The following KANSL1L variants were observed in gnomAD, a reference collection of about 807,000 sequenced individuals.
KANSL1L encodes KAT8 regulatory NSL complex subunit 1-like protein.
KANSL1L carries 25 observed loss-of-function variants against 108.6 expected under a neutral mutation model. That is an observed-to-expected ratio of 0.23 (90% CI 0.17 to 0.32). KANSL1L has a LOEUF of 0.32. KANSL1L is among the 10% of genes least tolerant of loss of function. KANSL1L has a pLI of 1.00. For missense variants in KANSL1L, 1,137 were observed against 1,125.7 expected, an observed-to-expected ratio of 1.01 and a Z score of -0.14; for synonymous variants, 405 against 395.1, an observed-to-expected ratio of 1.03 and a Z score of -0.30.
At chr2:210,079,312 T>C (rs2094564349) in intron 5 of KANSL1L, among the ~76,000 whole-genome samples, 1 of 151,864 alleles carries the variant, frequency 6.6e-6, no homozygotes, top group South Asian at 2.1e-4. Flanking sequence ...AATATAATTA[T>C]CGGCTGGGCG....
At chr2:210,170,044 T>C (rs1688241521) in intron 1 of KANSL1L, among the ~76,000 whole-genome samples, 1 of 152,184 alleles carries the variant, frequency 6.6e-6, no homozygotes, top group South Asian at 2.1e-4. Context: ...TGGCTAGTTA[T>C]TAAGAACGGG....
chr2:210,135,465 C>T (rs771329735), intron 2 of KANSL1L, among the ~76,000 whole-genome samples: 3 of 152,096 alleles, frequency 2.0e-5, no homozygotes, highest in African/African-American at 7.2e-5. Context: ...GACCTTATTT[C>T]CCAGCCTTAC....
At chr2:210,033,283 T>C (rs567481686) in intron 8 of KANSL1L, among the ~76,000 whole-genome samples, 1 of 152,316 alleles carries the variant, frequency 6.6e-6, no homozygotes, top group East Asian at 1.9e-4. Context: ...AAGTTATTAA[T>C]ACAAGAAAAC....
At chr2:210,131,871 A>AT (rs2095124071) in intron 2 of KANSL1L, among the ~76,000 whole-genome samples, 1 of 151,804 alleles carries the variant, frequency 6.6e-6, no homozygotes, top group South Asian at 2.1e-4. Context: ...AGTTAATTGT[A>AT]TTTTTAGTAG....
In KANSL1L at chr2:210,066,296, G is replaced by A. The variant is rs1418312299; in HGVS notation, c.1755+9256C>T. Among the ~76,000 whole-genome samples the A allele has an allele frequency of 3.3e-5, 5 of 152,182 alleles. No homozygotes were observed. The South Asian group carries it at 1.0e-3, about 32-fold the overall frequency. On this transcript the variant is annotated intron_variant, in intron 6 of 14. Coordinates refer to ENST00000281772, the MANE Select transcript of KANSL1L (RefSeq NM_152519.4). ...TCACAATCTTACTACAACTGTAGGA[G>A]AGACCTTAGGCAAGGCTGAAGAATA... is the stretch of plus-strand genomic sequence containing the variant.
intron 4 of KANSL1L, among the ~76,000 whole-genome samples, chr2:210,101,141 A>C (rs1257114666): frequency 6.6e-6 from 1 of 152,156 alleles, no homozygotes; most frequent in Non-Finnish European, 1.5e-5. Context: ...TCCCTATACT[A>C]TCAAAGGCCC....
chr2:210,140,820 T>G (rs1251115618), intron 2 of KANSL1L, among the ~76,000 whole-genome samples: 1 of 152,106 alleles, frequency 6.6e-6, no homozygotes, highest in Non-Finnish European at 1.5e-5. Flanking sequence ...CATTTTTTCA[T>G]TCATGTTTAG....
chr2:210,062,322 C>T (rs972031649), intron 6 of KANSL1L, among the ~76,000 whole-genome samples: 1 of 152,160 alleles, frequency 6.6e-6, no homozygotes, highest in Non-Finnish European at 1.5e-5. Context: ...CACGTGGAAC[C>T]GTAGTCTATT....
intron 2 of KANSL1L, among the ~76,000 whole-genome samples, chr2:210,142,681 T>A (rs1208713285): frequency 6.6e-6 from 1 of 152,180 alleles, no homozygotes; most frequent in Non-Finnish European, 1.5e-5. Flanking sequence ...TTCATTTCTC[T>A]CAAGATATTT....
At chr2:210,149,128 A>G (rs1038462068) in intron 2 of KANSL1L, among the ~76,000 whole-genome samples, 1 of 152,162 alleles carries the variant, frequency 6.6e-6, no homozygotes, top group Non-Finnish European at 1.5e-5. Flanking sequence ...AAAAACATCA[A>G]GTAAACACAA....
intron 6 of KANSL1L, among the ~76,000 whole-genome samples, chr2:210,067,518 C>T (rs141732493): frequency 1.8e-4 from 27 of 151,888 alleles, no homozygotes; most frequent in Middle Eastern, 3.4e-3. Flanking sequence ...GGCAATATGA[C>T]GAAACCCCAT....
chr2:210,068,228 TACC>T (rs1454261735), intron 6 of KANSL1L, among the ~76,000 whole-genome samples: 9 of 152,226 alleles, frequency 5.9e-5, no homozygotes, highest in African/African-American at 1.9e-4. Context: ...TAACAAAAGT[TACC>T]ACTTTACTAT....
rs199781810 is a variant in KANSL1L, at chr2:210,075,689, T to C, written c.1618A>G (p.Lys540Glu). 1.4e-5 allele frequency: 23 copies of C among 1,613,932 alleles called. No individual in the cohort carries two copies. The highest frequency in any genetic ancestry group is 1.7e-5 in the Admixed American group (1 of 59,978). Residue 540 changes from lysine to glutamate, a missense_variant, in exon 6 of 15, where the codon AAA becomes GAA. By Grantham distance (56) the Lys-to-Glu change is moderately conservative. This residue lies in a region of KANSL1L where 575 missense variants were observed against 567.1 expected (regional missense o/e 1.01). Coordinates refer to ENST00000281772, the MANE Select transcript of KANSL1L (RefSeq NM_152519.4). ...AGTCTTGTCCTGTCTTTTCTCTTTT[T>C]CTTACTGTGCTTCTGGTTAAGTAAC... ...SWLLNQKHSK[K>E]KRKDRTRLKS...
chr2:210,119,706 T>C (rs1008095289), intron 3 of KANSL1L, among the ~76,000 whole-genome samples: 1 of 152,140 alleles, frequency 6.6e-6, no homozygotes, highest in East Asian at 1.9e-4. Context: ...AAAAGCCATA[T>C]ATGATAGACC....
intron 2 of KANSL1L, among the ~76,000 whole-genome samples, chr2:210,130,193 G>T (rs886436949): frequency 6.6e-6 from 1 of 152,120 alleles, no homozygotes; most frequent in African/African-American, 2.4e-5. Flanking sequence ...TTCATCAATT[G>T]TAACAAATAC....
At chr2:210,104,573 G>A (rs2125435557) in intron 3 of KANSL1L, among the ~76,000 whole-genome samples, 1 of 152,022 alleles carries the variant, frequency 6.6e-6, no homozygotes, top group African/African-American at 2.4e-5. Context: ...GGCATTAAAA[G>A]CATGACATAT....
chr2:210,120,067 T>G (rs2094999693), intron 3 of KANSL1L, among the ~76,000 whole-genome samples: 1 of 151,928 alleles, frequency 6.6e-6, no homozygotes, highest in East Asian at 1.9e-4. Flanking sequence ...CTGAAAGAAA[T>G]AAGCAATGGG....
chr2:210,148,409 C>T (rs13026244), intron 2 of KANSL1L, among the ~76,000 whole-genome samples: 5 of 152,168 alleles, frequency 3.3e-5, no homozygotes, highest in African/African-American at 9.7e-5. Flanking sequence ...CTTTTGTCAG[C>T]GACTCACCCA....
chr2:210,129,025 C>T lies in KANSL1L; in HGVS notation c.1230+6G>A. 1 of 1,611,234 alleles carries T rather than the reference C, an allele frequency of 6.2e-7. No individual in the cohort carries two copies. Among genetic ancestry groups the T allele is most frequent in the Non-Finnish European group, 8.5e-7 (1 of 1,177,832 alleles). On this transcript the variant is annotated splice_donor_region_variant and intron_variant, in intron 3 of 14. Transcript: ENST00000281772. ...ACAAAAGTAGAAGAACACAGACAGACAATACCTTGGAGGCACGAATTTGCC... is the reference window on the plus strand; with the variant it reads ...ACAAAAGTAGAAGAACACAGACAGATAATACCTTGGAGGCACGAATTTGCC...
Sources: allele counts gnomAD v4.1 joint callset (sites outside exome capture counted in the v4.1 genomes callset), GRCh38; gene constraint gnomAD v4.1.1; regional missense constraint gnomAD v4.1.1; transcripts MANE v1.5; gene names NCBI Gene and HGNC (gene_info 2026-07-23, HGNC 2026-07-21).